HIP1: variants seen among roughly 807,000 people sequenced by gnomAD.
HIP1 encodes the protein huntingtin interacting protein 1, also known as huntingtin-interacting protein 1.
In HIP1, 65 loss-of-function variants were observed where a neutral mutation model predicts 147.6. The observed-to-expected ratio is 0.44, with a 90% confidence interval of 0.36 to 0.54. HIP1 has a LOEUF of 0.54. Among genes scored for constraint, HIP1 ranks in the 20% least tolerant of loss-of-function variants. The pLI, the probability that HIP1 is intolerant of heterozygous loss-of-function variation, is 0.00. For synonymous variants in HIP1, 479 were observed against 504.0 expected (o/e 0.95, Z 0.67); for missense variants, 1,061 against 1,299.6 (o/e 0.82, Z 2.82).
intron 1 of HIP1, among the ~76,000 whole-genome samples, chr7:75,607,516 A>T (rs1554504044): frequency 7.3e-6 from 1 of 136,502 alleles, no homozygotes; most frequent in Non-Finnish European, 1.5e-5. Context: ...GACATGAGCC[A>T]CCATGCCCAG....
intron 9 of HIP1, chr7:75,563,509 A>G: frequency 1.9e-6 from 1 of 520,474 alleles, no homozygotes; most frequent in East Asian, 3.2e-5. Context: ...GTAGATAATC[A>G]AAAAGCTAAT....
chr7:75,558,453 C>G (rs587729955), intron 14 of HIP1, among the ~76,000 whole-genome samples, 198 bp from the exon 15 acceptor site: 10 of 152,244 alleles, frequency 6.6e-5, no homozygotes, highest in African/African-American at 1.9e-4. Flanking sequence ...TCCTCCCACC[C>G]CAGTCTCCTG....
At chr7:75,608,133 C>A (rs1297920170) in intron 1 of HIP1, among the ~76,000 whole-genome samples, 3 of 152,066 alleles carry the variant, frequency 2.0e-5, no homozygotes, top group Non-Finnish European at 4.4e-5. Flanking sequence ...GGTGAAACCT[C>A]GTCTCTACTA....
rs980665542 is a variant in HIP1 at position 75,728,383 on chromosome 7, C to T, written c.120+10418G>A. On this transcript the variant is annotated intron_variant, in intron 1 of 30. Coordinates refer to ENST00000336926, the MANE Select transcript of HIP1 (RefSeq NM_005338.7). ...CAGGAAAACAGGAAACAGCCACCACCCTGCCGGGAGGTGGGGCTGACAAGT... is the reference window on the plus strand; with the variant it reads ...CAGGAAAACAGGAAACAGCCACCACTCTGCCGGGAGGTGGGGCTGACAAGT... 2.6e-5 allele frequency among the ~76,000 whole-genome samples: 4 copies of T among 152,206 alleles called. No individual in the cohort carries two copies. The East Asian group carries it at 5.8e-4, about 22-fold the overall frequency.
At chr7:75,616,085 C>CAAAG (rs1797645842) in intron 1 of HIP1, among the ~76,000 whole-genome samples, 1 of 35,322 alleles carries the variant, frequency 2.8e-5, no homozygotes, top group African/African-American at 1.2e-4. Context: ...GACTCTGTCT[C>CAAAG]AAAAAAAAAA....
chr7:75,609,885 TTTCTTTTCTC>T (rs1286083077), intron 1 of HIP1, among the ~76,000 whole-genome samples: 1 of 151,090 alleles, frequency 6.6e-6, no homozygotes, highest in Non-Finnish European at 1.5e-5. Flanking sequence ...CTCTTCCTTC[TTTCTTTTCTC>T]TTCTTTTCTT....
chr7:75,686,685 A>C (rs1800271840), intron 1 of HIP1, among the ~76,000 whole-genome samples: 1 of 151,804 alleles, frequency 6.6e-6, no homozygotes, highest in Non-Finnish European at 1.5e-5. Flanking sequence ...TTTTTGAGAC[A>C]GAGTTTCACT....
intron 8 of HIP1, among the ~76,000 whole-genome samples, chr7:75,572,205 G>C (rs183328689): frequency 1.0e-3 from 152 of 147,884 alleles, no homozygotes; most frequent in Non-Finnish European, 1.4e-3. Context: ...GCCTGGGTGA[G>C]AGAGTGAGAC....
At chr7:75,672,489 G>T (rs984239550) in intron 1 of HIP1, among the ~76,000 whole-genome samples, 2 of 151,980 alleles carry the variant, frequency 1.3e-5, no homozygotes, top group African/African-American at 4.8e-5. Context: ...AGCACACCTG[G>T]TTAATTTCTG....
chr7:75,546,186 C>A (rs781855594), intron 25 of HIP1, among the ~76,000 whole-genome samples: 2 of 151,360 alleles, frequency 1.3e-5, no homozygotes, highest in Non-Finnish European at 2.9e-5. Context: ...AAAAAGGAGA[C>A]TACACAGTGA....
At chr7:75,717,918 T>C (rs1801372663) in intron 1 of HIP1, among the ~76,000 whole-genome samples, 1 of 150,776 alleles carries the variant, frequency 6.6e-6, no homozygotes, top group African/African-American at 2.4e-5. Flanking sequence ...TGCAGTGAGC[T>C]GAGATCACGC....
Position 75,544,727 on chromosome 7 carries a change from C to T in HIP1, c.2734G>A (p.Ala912Thr). ...ELMVCSHEIAASTAQLVAASK... is the reference protein window; with the variant it reads ...ELMVCSHEIATSTAQLVAASK... ...GCAGCCACAAGCTGGGCTGTGCTAG[C>T]AGCAATTTCATGAGAACACACCATT... The change falls in exon 27 of 31, where the codon GCT becomes ACT. Residue 912 changes from alanine to threonine, a missense_variant. Ala to Thr is a moderately conservative substitution (Grantham distance 58). Coordinates refer to ENST00000336926, the MANE Select transcript of HIP1 (RefSeq NM_005338.7). 1.2e-6 allele frequency: 2 copies of T among 1,613,474 alleles called. No individual in the cohort carries two copies. Among genetic ancestry groups the T allele is most frequent in the Non-Finnish European group, 1.7e-6 (2 of 1,179,358 alleles).
chr7:75,630,197 G>A (rs931781142), intron 1 of HIP1, among the ~76,000 whole-genome samples: 1 of 152,038 alleles, frequency 6.6e-6, no homozygotes, highest in Non-Finnish European at 1.5e-5. Flanking sequence ...AGTGGCTCAT[G>A]CCTATAATCT....
At chr7:75,583,160 T>G (rs1171639815) in intron 5 of HIP1, among the ~76,000 whole-genome samples, 6 of 151,990 alleles carry the variant, frequency 3.9e-5, no homozygotes, top group Non-Finnish European at 8.8e-5. Flanking sequence ...CTGCTCCCTC[T>G]CCTCCCCATC....
intron 5 of HIP1, among the ~76,000 whole-genome samples, chr7:75,586,059 C>T (rs766165697): frequency 6.6e-5 from 10 of 152,056 alleles, no homozygotes; most frequent in Non-Finnish European, 1.2e-4. Flanking sequence ...AGCGATCCTC[C>T]AGCCTCGACC....
intron 2 of HIP1, among the ~76,000 whole-genome samples, chr7:75,595,351 AT>A (rs1308351570): frequency 1.1e-3 from 95 of 88,172 alleles, no homozygotes; most frequent in Middle Eastern, 6.7e-3. Flanking sequence ...CTTTCTTTCT[AT>A]TTTTTTTTTA....
At chr7:75,706,473 CTTTTTTTTTAT>C (rs1323126037) in intron 1 of HIP1, among the ~76,000 whole-genome samples, 33 of 138,116 alleles carry the variant, frequency 2.4e-4, no homozygotes, top group South Asian at 4.5e-4. Flanking sequence ...TATATATCTT[CTTTTTTTTTAT>C]TTTTTTTTTA....
chr7:75,651,582 A>G (rs1037606060), intron 1 of HIP1, among the ~76,000 whole-genome samples: 5 of 151,668 alleles, frequency 3.3e-5, no homozygotes, highest in African/African-American at 9.7e-5. Context: ...CAGAACCCCA[A>G]GTTCAAGTCC....
chr7:75,688,670 G>A (rs1355134980), intron 1 of HIP1, among the ~76,000 whole-genome samples: 1 of 152,106 alleles, frequency 6.6e-6, no homozygotes, highest in Non-Finnish European at 1.5e-5. Flanking sequence ...GGTGGCCTTT[G>A]GTCCTCTCCC....
Sources: gnomAD v4.1 joint callset for allele counts (sites outside exome capture counted in the v4.1 genomes callset) on GRCh38, gnomAD v4.1.1 for gene constraint, MANE v1.5 for transcripts, NCBI Gene and HGNC (gene_info 2026-07-23, HGNC 2026-07-21) for gene names.